The following HAPLN2 variants were observed in gnomAD, a reference collection of about 807,000 sequenced individuals.
HAPLN2 encodes the protein brain link protein-1.
In HAPLN2, 27 loss-of-function variants were observed where a neutral mutation model predicts 29.3. The observed-to-expected ratio is 0.92, with a 90% confidence interval of 0.68 to 1.27. HAPLN2 has a LOEUF of 1.27. HAPLN2 is among the 50% of genes most tolerant of loss of function. The pLI, the probability that HAPLN2 is intolerant of heterozygous loss-of-function variation, is 0.00. For synonymous variants in HAPLN2, 208 were observed against 211.7 expected (o/e 0.98, Z 0.15); for missense variants, 454 against 484.3 (o/e 0.94, Z 0.59).
rs1277507532 is a variant in HAPLN2, at chr1:156,623,998, G to T, written c.277G>T (p.Gly93Trp). 1 of 1,609,570 alleles carries T rather than the reference G, an allele frequency of 6.2e-7. No individual in the cohort carries two copies. The highest frequency in any genetic ancestry group is 1.3e-5 in the African/African-American group (1 of 74,958). ...ILITNGLHAR[G>W]YGPLGGRARM... ...CATCACCAACGGACTGCACGCCCGG[G>T]GGTATGGGCCCCTGGGAGGGCGCGC... The change falls in exon 4 of 7, where the codon GGG becomes TGG. Residue 93 changes from glycine (G) to tryptophan (W), a missense_variant. Physicochemically the swap from Gly to Trp is radical, Grantham distance 184. Around this residue, in one of 3 missense-constraint regions of HAPLN2, gnomAD observed 204 missense variants for 209.2 expected, o/e 0.98. Coordinates refer to ENST00000255039, the MANE Select transcript of HAPLN2 (RefSeq NM_021817.3).
At chr1:156,616,675 C>A (rs1477474117), upstream of HAPLN2, among the ~76,000 whole-genome samples, 1 of 152,090 alleles carries the variant, frequency 6.6e-6, no homozygotes, top group African/African-American at 2.4e-5. Flanking sequence ...GTGTCCTGTC[C>A]AAGGAGACAG....
Position 156,623,045 on chromosome 1 carries a change from T to TA in HAPLN2, c.-24-419dup, listed in dbSNP as rs1553235342. 1.0e-3 allele frequency among the ~76,000 whole-genome samples: 106 copies of TA among 102,960 alleles called. 6 individuals are homozygous for TA. The highest frequency in any genetic ancestry group is 3.5e-3 in the African/African-American group (92 of 26,124). The allele number at this position is 102,960 out of a possible 152,430, so 67.5% of individuals were successfully genotyped here. A position where few individuals can be genotyped will look rare whatever the true frequency, so the allele number is the denominator to read the frequency against. Reference sequence around the variant, plus strand: ...CAACACTCTGTCTCAAAAAAATAAATAAATAAATAAATAAATAAATAAATA... The same window carrying TA: ...CAACACTCTGTCTCAAAAAAATAAATAAAATAAATAAATAAATAAATAAATA... On this transcript the variant is annotated intron_variant, in intron 2 of 6. Transcript: ENST00000255039.
At chr1:156,616,466 T>A (rs1678061636), upstream of HAPLN2, among the ~76,000 whole-genome samples, 1 of 152,220 alleles carries the variant, frequency 6.6e-6, no homozygotes, top group African/African-American at 2.4e-5. Context: ...AACTCAGCCT[T>A]TTATGGATTT....
the HAPLN2 span, among the ~76,000 whole-genome samples, chr1:156,606,967 C>G: frequency 6.6e-6 from 1 of 152,102 alleles, no homozygotes; most frequent in African/African-American, 2.4e-5. Context: ...CTAACCCCCA[C>G]CCTGCACCTC....
chr1:156,602,549 CAAAAAAAAAAA>C, the HAPLN2 span, among the ~76,000 whole-genome samples: 2 of 43,752 alleles, frequency 4.6e-5, no homozygotes, highest in Admixed American at 3.9e-4. Context: ...CTAAAAATAC[CAAAAAAAAAAA>C]AAAAAAAAAA....
At chr1:156,610,807 T>C in the HAPLN2 span, among the ~76,000 whole-genome samples, 1 of 152,220 alleles carries the variant, frequency 6.6e-6, no homozygotes, top group South Asian at 2.1e-4. Context: ...GTTCAGTTGT[T>C]CCTGGGGGCG....
At chr1:156,619,791 T>C (rs1306676620) in intron 1 of HAPLN2, among the ~76,000 whole-genome samples, 1 of 152,128 alleles carries the variant, frequency 6.6e-6, no homozygotes, top group Non-Finnish European at 1.5e-5. Flanking sequence ...CTCCCTTTAT[T>C]CCACTCCCCT....
At chr1:156,613,744 C>A in the HAPLN2 span, among the ~76,000 whole-genome samples, 2 of 151,480 alleles carry the variant, frequency 1.3e-5, no homozygotes, top group Non-Finnish European at 2.9e-5. Flanking sequence ...GGTGAAGCCC[C>A]GTCTCTATTA....
the HAPLN2 span, among the ~76,000 whole-genome samples, chr1:156,602,939 C>T: frequency 6.6e-6 from 1 of 152,040 alleles, no homozygotes; most frequent in African/African-American, 2.4e-5. Flanking sequence ...ACAGAAAAAT[C>T]GCCATTTCAC....
chr1:156,608,201 G>T, the HAPLN2 span, among the ~76,000 whole-genome samples: 1 of 152,350 alleles, frequency 6.6e-6, no homozygotes. Flanking sequence ...GGCCGACAGA[G>T]CACAGAGAGA....
At chr1:156,620,945 A>T (rs145296394) in intron 2 of HAPLN2, among the ~76,000 whole-genome samples, 1,817 of 152,282 alleles carry the variant, frequency 0.012, 41 homozygotes, top group African/African-American at 0.042. Context: ...TCAGTGAGGT[A>T]GGTGTGCTAT....
At chr1:156,602,022 C>G in the HAPLN2 span, among the ~76,000 whole-genome samples, 1 of 152,040 alleles carries the variant, frequency 6.6e-6, no homozygotes, top group Non-Finnish European at 1.5e-5. Context: ...ACTGTAACCT[C>G]CGCCTCCTGG....
chr1:156,617,469 C>T (rs908961608), upstream of HAPLN2, among the ~76,000 whole-genome samples: 4 of 151,626 alleles, frequency 2.6e-5, no homozygotes, highest in African/African-American at 4.8e-5. Context: ...CACCTCAAGC[C>T]TCCCGAGGAG....
chr1:156,616,690 C>A (rs552445182), upstream of HAPLN2, among the ~76,000 whole-genome samples: 2 of 152,254 alleles, frequency 1.3e-5, no homozygotes, highest in South Asian at 4.1e-4. Flanking sequence ...AGACAGGGGG[C>A]TATTTGTCTT....
At chr1:156,612,314 G>A in the HAPLN2 span, among the ~76,000 whole-genome samples, 11 of 152,112 alleles carry the variant, frequency 7.2e-5, no homozygotes, top group Non-Finnish European at 1.6e-4. Context: ...GTGAGCCACC[G>A]CGCCCGCCAG....
chr1:156,623,997 G>C lies in HAPLN2; in HGVS notation c.276G>C (p.Arg92=), dbSNP rs781216336. The change falls in exon 4 of 7, where the codon CGG becomes CGC. Residue 92 remains arginine, a synonymous_variant. Coordinates refer to ENST00000255039, the MANE Select transcript of HAPLN2 (RefSeq NM_021817.3). ...TCATCACCAACGGACTGCACGCCCG[G>C]GGGTATGGGCCCCTGGGAGGGCGCG... is the stretch of plus-strand genomic sequence containing the variant. The part of the protein sequence containing the change: ...LILITNGLHA[R]GYGPLGGRAR... 6 of 1,609,454 alleles carry C rather than the reference G, an allele frequency of 3.7e-6. No individual in the cohort carries two copies. The South Asian group carries it at 6.6e-5, about 18-fold the overall frequency.
At chr1:156,620,775 T>C (rs1037126967) in intron 2 of HAPLN2, among the ~76,000 whole-genome samples, 1 of 152,208 alleles carries the variant, frequency 6.6e-6, no homozygotes, top group African/African-American at 2.4e-5. Flanking sequence ...ATCCTTAATG[T>C]AAGTTCATTA....
In HAPLN2 at chr1:156,624,434, G is replaced by A; in HGVS notation, c.523G>A (p.Gly175Arg). Residue 175 changes from glycine (G) to arginine (R), a missense_variant, in exon 5 of 7, where the codon GGA becomes AGA. Gly to Arg is a moderately radical substitution (Grantham distance 125, BLOSUM62 -2). Coordinates refer to ENST00000255039, the MANE Select transcript of HAPLN2 (RefSeq NM_021817.3). ...EAKQACEEQDGRLATYSQLYQ... is the reference protein window; with the variant it reads ...EAKQACEEQDRRLATYSQLYQ... ...GAAGCAGGCGTGCGAGGAGCAGGAC[G>A]GACGCCTGGCCACCTACTCCCAGCT... The A allele has an allele frequency of 6.2e-7, 1 of 1,612,350 alleles. No homozygotes were observed. Among genetic ancestry groups the A allele is most frequent in the East Asian group, 2.2e-5 (1 of 44,760 alleles).
the HAPLN2 span, among the ~76,000 whole-genome samples, chr1:156,609,646 T>C: frequency 1.1e-4 from 17 of 152,326 alleles, no homozygotes; most frequent in East Asian, 2.7e-3. Flanking sequence ...TTTTTCCAGA[T>C]AACTAGTTGT....
Sources: allele counts gnomAD v4.1 joint callset (sites outside exome capture counted in the v4.1 genomes callset), GRCh38; gene constraint gnomAD v4.1.1; regional missense constraint gnomAD v4.1.1; transcripts MANE v1.5; gene names NCBI Gene and HGNC (gene_info 2026-07-23, HGNC 2026-07-21).